Variants in NFASC observed in about 807,000 individuals in gnomAD.
NFASC encodes the protein neurofascin.
Under a neutral mutation model 147.5 loss-of-function variants are expected in NFASC, and 43 were observed. That is an observed-to-expected ratio of 0.29 (90% CI 0.23 to 0.38). The LOEUF (loss-of-function observed/expected upper bound fraction) is 0.38, where lower values mean the gene tolerates loss of function less well. Among genes scored for constraint, NFASC ranks in the 10% least tolerant of loss-of-function variants. The pLI, the probability that NFASC is intolerant of heterozygous loss-of-function variation, is 1.00. For synonymous variants in NFASC, 622 were observed against 665.5 expected, an observed-to-expected ratio of 0.93 and a Z score of 1.01; for missense variants, 1,320 against 1,689.0, an observed-to-expected ratio of 0.78 and a Z score of 3.83.
chr1:204,859,291 G>A (rs1245498194), intron 1 of NFASC, among the ~76,000 whole-genome samples: 1 of 152,228 alleles, frequency 6.6e-6, no homozygotes, highest in African/African-American at 2.4e-5. Context: ...TGTCCTCAGA[G>A]AGATCCCCCA....
At chr1:204,838,331 T>C (rs943679011) in intron 1 of NFASC, among the ~76,000 whole-genome samples, 2 of 152,242 alleles carry the variant, frequency 1.3e-5, no homozygotes, top group African/African-American at 4.8e-5. Context: ...CCTCTCCTTA[T>C]TGATCCTCAT....
intron 3 of NFASC, chr1:204,946,739 C>T: frequency 1.9e-6 from 1 of 519,026 alleles, no homozygotes; most frequent in Non-Finnish European, 3.9e-6. Flanking sequence ...AAGTACCTGG[C>T]CTTCCTCTGC....
intron 1 of NFASC, among the ~76,000 whole-genome samples, chr1:204,853,836 C>A (rs545849687): frequency 1.3e-5 from 2 of 152,278 alleles, no homozygotes; most frequent in South Asian, 4.1e-4. Flanking sequence ...TCCTACCCAT[C>A]GGGGCCAGCT....
At chr1:204,949,941 T>C (rs1165207861) in intron 3 of NFASC, among the ~76,000 whole-genome samples, 1 of 152,202 alleles carries the variant, frequency 6.6e-6, no homozygotes, top group Admixed American at 6.5e-5. Context: ...GAGCCTCCCA[T>C]TGAGAAGCAT....
chr1:204,951,493 G>A (rs1431791747), intron 4 of NFASC, among the ~76,000 whole-genome samples: 2 of 138,082 alleles, frequency 1.4e-5, no homozygotes, highest in African/African-American at 2.8e-5. Context: ...TTTTAAAACA[G>A]AATATCGCTC....
intron 1 of NFASC, among the ~76,000 whole-genome samples, chr1:204,847,041 G>C (rs1038877774): frequency 6.6e-6 from 1 of 151,948 alleles, no homozygotes; most frequent in Non-Finnish European, 1.5e-5. Context: ...GGAGATTTCT[G>C]TCTCCACTGG....
At chr1:204,881,192 C>A (rs1036579269) in intron 1 of NFASC, among the ~76,000 whole-genome samples, 1 of 152,152 alleles carries the variant, frequency 6.6e-6, no homozygotes, top group Non-Finnish European at 1.5e-5. Context: ...TGAGCCTCTA[C>A]CTTGGCCCTA....
chr1:204,968,592 G>A lies in NFASC; in HGVS notation c.819-206G>A, dbSNP rs573619589. On this transcript the variant is annotated intron_variant, in intron 9 of 29. Coordinates refer to ENST00000339876, the MANE Select transcript of NFASC (RefSeq NM_001005388.3). This position sits in a 1 kb window ranked among gnomAD's most constrained non-coding sequence, Gnocchi z 5.4. ...AGGTGATTAGGCATCCCGTAGATGC[G>A]TTAGAATCTCGTGGGACCTTAGCTA... is the stretch of plus-strand genomic sequence containing the variant. 4.9e-5 allele frequency: 30 copies of A among 617,250 alleles called. No individual in the cohort carries two copies. Among genetic ancestry groups the A allele is most frequent in the Non-Finnish European group, 7.1e-5 (25 of 352,454 alleles). The allele number at this position is 617,250 out of a possible 1,614,324, so 38.2% of individuals were successfully genotyped here.
chr1:204,994,172 C>A (rs988722934), intron 24 of NFASC, among the ~76,000 whole-genome samples: 6 of 152,180 alleles, frequency 3.9e-5, no homozygotes, highest in African/African-American at 1.4e-4. Context: ...CGGAAAGTGA[C>A]CCCTTTCCTC....
chr1:205,015,136 G>A lies in NFASC; in HGVS notation c.3492-1172G>A, dbSNP rs1482577419. 2.0e-5 allele frequency among the ~76,000 whole-genome samples: 3 copies of A among 152,224 alleles called. No individual in the cohort carries two copies. Among genetic ancestry groups the A allele is most frequent in the African/African-American group, 7.2e-5 (3 of 41,462 alleles). On this transcript the variant is annotated intron_variant, in intron 29 of 29. Coordinates refer to ENST00000339876, the MANE Select transcript of NFASC (RefSeq NM_001005388.3). This position sits in a 1 kb window ranked among gnomAD's most constrained non-coding sequence, Gnocchi z 4.0. ...TCTTTGCCCGACACTGCTATTAGAA[G>A]TGAGAACGCACTGCCCACTATAATG...
At chr1:204,992,545 T>A (rs937904540) in intron 24 of NFASC, among the ~76,000 whole-genome samples, 16 of 152,074 alleles carry the variant, frequency 1.1e-4, no homozygotes, top group Non-Finnish European at 1.8e-4. Flanking sequence ...CCCCACAAGG[T>A]CTGAACACCC....
chr1:205,001,947 A>G (rs1271308592), intron 26 of NFASC, among the ~76,000 whole-genome samples: 1 of 152,234 alleles, frequency 6.6e-6, no homozygotes, highest in African/African-American at 2.4e-5. Context: ...CACCTGGGAT[A>G]GCCTACCCAA....
At chr1:204,873,856 G>A (rs756089615) in intron 1 of NFASC, among the ~76,000 whole-genome samples, 9 of 152,144 alleles carry the variant, frequency 5.9e-5, no homozygotes, top group Non-Finnish European at 1.3e-4. Context: ...CTGGGGGTGG[G>A]GTACGGGCTG....
chr1:204,916,891 C>T (rs964624882), intron 1 of NFASC, among the ~76,000 whole-genome samples: 1 of 151,992 alleles, frequency 6.6e-6, no homozygotes, highest in African/African-American at 2.4e-5. Flanking sequence ...ATTCTTTACA[C>T]CTATTTCCTC....
intron 3 of NFASC, among the ~76,000 whole-genome samples, chr1:204,949,457 C>T (rs1283811459): frequency 6.6e-6 from 1 of 152,234 alleles, no homozygotes; most frequent in East Asian, 1.9e-4. Flanking sequence ...AAAAGTCAGC[C>T]TGCAACAACA....
chr1:204,957,539 A>T, intron 7 of NFASC, 117 bp from the exon 8 acceptor site: 1 of 840,800 alleles, frequency 1.2e-6, no homozygotes, highest in Non-Finnish European at 1.9e-6. Flanking sequence ...AGACCAAGTA[A>T]TGTCAAGCTC....
In NFASC at chr1:204,979,997, C is replaced by CA. The variant is rs202087352; in HGVS notation, c.2177-365dup. ...GCTCATAGAGGGTAGAGATGCTGCC[C>CA]AAAAAAAATGTTAAATGCCAGGGAT... On this transcript the variant is annotated intron_variant, in intron 19 of 29. Transcript: ENST00000339876. The surrounding 1 kb of genome is among the most constrained non-coding windows in gnomAD (Gnocchi z 6.0). Among the ~76,000 whole-genome samples the CA allele has an allele frequency of 6.9e-3, 1,042 of 151,710 alleles. 6 individuals are homozygous for CA. Among genetic ancestry groups the CA allele is most frequent in the Non-Finnish European group, 8.7e-3 (590 of 67,892 alleles).
Position 204,973,327 on chromosome 1 carries a change from G to A in NFASC, c.1187G>A (p.Arg396Gln), listed in dbSNP as rs374469419. 28 of 1,614,058 alleles carry A rather than the reference G, an allele frequency of 1.7e-5. No individual in the cohort carries two copies. The highest frequency in any genetic ancestry group is 3.3e-5 in the Admixed American group (2 of 60,008). The stretch of plus-strand genomic sequence containing the variant: ...GTGGCCGGAGACACCATCATCTTCC[G>A]GGACACCCAGATCAGCAGCAGGGCT... ...REVAGDTIIFRDTQISSRAVY... is the reference protein window; with the variant it reads ...REVAGDTIIFQDTQISSRAVY... Residue 396 changes from arginine to glutamine, a missense_variant, in exon 12 of 30, where the codon CGG (arginine) becomes CAG (glutamine). Arg to Gln is a conservative substitution (Grantham distance 43). Coordinates refer to ENST00000339876, the MANE Select transcript of NFASC (RefSeq NM_001005388.3).
intron 1 of NFASC, among the ~76,000 whole-genome samples, chr1:204,857,896 G>T (rs1208561728): frequency 4.0e-5 from 6 of 149,434 alleles, no homozygotes; most frequent in Admixed American, 2.7e-4. Context: ...AAATGTCTGT[G>T]TCCTAGTCTC....
Sources: allele counts gnomAD v4.1 joint callset (sites outside exome capture counted in the v4.1 genomes callset), GRCh38; gene constraint gnomAD v4.1.1; non-coding constraint Gnocchi (gnomAD v3.1); transcripts MANE v1.5; gene names NCBI Gene and HGNC (gene_info 2026-07-23, HGNC 2026-07-21).